The following TRRAP variants were observed in gnomAD, a reference collection of about 807,000 sequenced individuals.
TRRAP encodes transformation/transcription domain-associated protein.
Under a neutral mutation model 438.8 loss-of-function variants are expected in TRRAP, and 41 were observed. The ratio of observed to expected loss-of-function variants is 0.09; its 90% CI spans 0.07 to 0.12. TRRAP has a LOEUF of 0.12. TRRAP is among the 10% of genes least tolerant of loss of function. The probability of loss-of-function intolerance (pLI) is 1.00; values close to 1 mark genes in which losing one functional copy is unlikely to be tolerated. For synonymous variants in TRRAP, 1,994 were observed against 1,962.9 expected (o/e 1.02, Z -0.42); for missense variants, 3,122 against 5,055.1 (o/e 0.62, Z 11.60).
chr7:98,903,571 T>A, intron 12 of TRRAP, 54 bp downstream of exon 12: 1 of 1,605,272 alleles, frequency 6.2e-7, no homozygotes, highest in Non-Finnish European at 8.5e-7. Flanking sequence ...TGGCCATCTT[T>A]GGGGACTCGG....
intron 16 of TRRAP, 77 bp from the exon 17 acceptor site, chr7:98,911,000 G>A (rs1382935270): frequency 7.6e-7 from 1 of 1,309,348 alleles, no homozygotes; most frequent in African/African-American, 1.5e-5. Flanking sequence ...GTATGCAGCT[G>A]ATCTGGTTAC....
rs949805417 is a variant in TRRAP at position 98,963,769 on chromosome 7, G to A, written c.6830-860G>A. On this transcript the variant is annotated intron_variant, in intron 47 of 72. Coordinates refer to ENST00000456197, the MANE Select transcript of TRRAP (RefSeq NM_001375524.1). ...CTGGCAAACACTCTTTGGTTGATCC[G>A]TGAATACAGATTTAAAATTTAACGA... 3.9e-5 allele frequency among the ~76,000 whole-genome samples: 6 copies of A among 152,226 alleles called. No individual in the cohort carries two copies. The South Asian group carries it at 1.2e-3, about 32-fold the overall frequency.
intron 3 of TRRAP, among the ~76,000 whole-genome samples, chr7:98,884,633 C>T (rs1490659281): frequency 6.6e-6 from 1 of 152,192 alleles, no homozygotes; most frequent in African/African-American, 2.4e-5. Flanking sequence ...ACTGGAGACA[C>T]TCCCCATTCC....
In TRRAP at chr7:98,948,496, T is replaced by TG; in HGVS notation, c.4669-69dup. 3.1e-6 allele frequency: 5 copies of TG among 1,613,380 alleles called. No homozygotes were observed. Among genetic ancestry groups the TG allele is most frequent in the Non-Finnish European group, 4.2e-6 (5 of 1,179,918 alleles). On this transcript the variant is annotated intron_variant, in intron 34 of 72. Transcript: ENST00000456197. The surrounding 1 kb of genome is among the most constrained non-coding windows in gnomAD (Gnocchi z 4.9). The stretch of plus-strand genomic sequence containing the variant: ...CATGCACTCCAGTAACAAGGGACCT[T>TG]GTTAGGTAGACAGCCTCAAGCTCTG...
At chr7:98,886,306 A>G (rs1030104933) in intron 3 of TRRAP, among the ~76,000 whole-genome samples, 3 of 150,694 alleles carry the variant, frequency 2.0e-5, no homozygotes, top group African/African-American at 5.0e-5. Context: ...TATCATAGAT[A>G]TAGATATCTA....
At chr7:98,881,337 C>G in intron 2 of TRRAP, 87 bp downstream of exon 2, 1 of 1,257,224 alleles carries the variant, frequency 8.0e-7, no homozygotes. Context: ...CTTTGGGAGG[C>G]CGAGGCGGGT....
chr7:98,886,473 G>A (rs1042659352), intron 3 of TRRAP, among the ~76,000 whole-genome samples: 1 of 151,934 alleles, frequency 6.6e-6, no homozygotes, highest in Non-Finnish European at 1.5e-5. Flanking sequence ...TAGAGAGATA[G>A]AGATAGATAT....
At chr7:98,939,951 G>A (rs1376030275) in intron 30 of TRRAP, among the ~76,000 whole-genome samples, 1 of 152,046 alleles carries the variant, frequency 6.6e-6, no homozygotes, top group African/African-American at 2.4e-5. Flanking sequence ...GTGTGATCTC[G>A]TCTCATTCCT....
rs551378233 is a variant in TRRAP at position 98,926,432 on chromosome 7, A to G, written c.2976-735A>G. ...ATGAATGATCACTTGGAAGCTGTGA[A>G]AGCCACTGAACTGTGGAATAAACCT... is the stretch of plus-strand genomic sequence containing the variant. On this transcript the variant is annotated intron_variant, in intron 22 of 72. Coordinates refer to ENST00000456197, the MANE Select transcript of TRRAP (RefSeq NM_001375524.1). Among the ~76,000 whole-genome samples the G allele has an allele frequency of 4.5e-4, 68 of 152,354 alleles. 1 individual carries two copies. The highest frequency in any genetic ancestry group is 1.6e-3 in the African/African-American group (65 of 41,580).
intron 48 of TRRAP, among the ~76,000 whole-genome samples, chr7:98,965,093 C>G (rs1170497737): frequency 6.6e-6 from 1 of 152,250 alleles, no homozygotes; most frequent in East Asian, 1.9e-4. Flanking sequence ...ATCCACTGCA[C>G]TCAGTCTGCA....
chr7:98,902,926 A>AAAT (rs1255875622), intron 11 of TRRAP, among the ~76,000 whole-genome samples: 18 of 150,412 alleles, frequency 1.2e-4, no homozygotes, highest in Non-Finnish European at 2.7e-4. Context: ...AAAAAAAAAA[A>AAAT]GAAAATTAGG....
chr7:98,958,488 TG>T (rs1228449810), intron 44 of TRRAP, among the ~76,000 whole-genome samples: 2 of 152,076 alleles, frequency 1.3e-5, no homozygotes, highest in East Asian at 3.9e-4. Context: ...TTGGTAGAGA[TG>T]GGGTTTCACC....
chr7:98,961,889 C>T (rs1791908642), intron 46 of TRRAP, among the ~76,000 whole-genome samples: 1 of 152,172 alleles, frequency 6.6e-6, no homozygotes, highest in South Asian at 2.1e-4. Flanking sequence ...CATTGCAATC[C>T]AGCCTGGGCA....
At chr7:98,977,158 G>T (rs968391016) in intron 56 of TRRAP, 82 bp downstream of exon 56, 5 of 1,576,888 alleles carry the variant, frequency 3.2e-6, no homozygotes, top group African/African-American at 1.4e-5. Flanking sequence ...TCCTCAAGTC[G>T]GAGTTCACGT....
chr7:98,930,839 T>C lies in TRRAP; in HGVS notation c.3591+9T>C. ...TGGACTTAACTGGAGAGGTAGGTGA[T>C]GGGTGGCCCCAAACCTAACCATGCT... On this transcript the variant is annotated intron_variant, in intron 25 of 72. Coordinates refer to ENST00000456197, the MANE Select transcript of TRRAP (RefSeq NM_001375524.1). 1 of 1,614,176 alleles carries C rather than the reference T, an allele frequency of 6.2e-7. No homozygotes were observed. Among genetic ancestry groups the C allele is most frequent in the Non-Finnish European group, 8.5e-7 (1 of 1,180,002 alleles).
chr7:98,921,613 TG>T lies in TRRAP; in HGVS notation c.2623-139del, dbSNP rs542184987. 3.2e-4 allele frequency: 337 copies of T among 1,061,356 alleles called. No homozygotes were observed. In the African/African-American group the frequency reaches 4.1e-3, roughly 13 times the overall value. 65.7% of individuals were successfully genotyped at this position (1,061,356 alleles called of 1,614,324 possible). A position where few individuals can be genotyped will look rare whatever the true frequency, so the allele number is the denominator to read the frequency against. On this transcript the variant is annotated intron_variant, in intron 20 of 72. Transcript: ENST00000456197. ...CTGGTCTTGAACTCCTGACGTCAGG[TG>T]ATCTACCCGCCTTAGCCTCCCAAAG...
intron 52 of TRRAP, 40 bp from the exon 53 acceptor site, chr7:98,971,759 C>A (rs1376378408): frequency 1.9e-6 from 3 of 1,602,850 alleles, no homozygotes; most frequent in East Asian, 2.2e-5. Context: ...TTTCTTGAAG[C>A]CTTTGACCTT....
At chr7:98,916,792 C>G (rs1789537957) in intron 19 of TRRAP, among the ~76,000 whole-genome samples, 1 of 152,186 alleles carries the variant, frequency 6.6e-6, no homozygotes, top group Admixed American at 6.5e-5. Context: ...CTCCTCTATC[C>G]TCCTCATCCT....
chr7:98,967,829 T>G, intron 51 of TRRAP, 131 bp downstream of exon 51: 2 of 808,862 alleles, frequency 2.5e-6, no homozygotes, highest in South Asian at 1.9e-5. Context: ...GCTTCTGATC[T>G]CCAGGAAGAA....
Sources: allele counts gnomAD v4.1 joint callset (sites outside exome capture counted in the v4.1 genomes callset), GRCh38; gene constraint gnomAD v4.1.1; non-coding constraint Gnocchi (gnomAD v3.1); transcripts MANE v1.5; gene names NCBI Gene and HGNC (gene_info 2026-07-23, HGNC 2026-07-21).